The following MUC17 variants were observed in gnomAD, a reference collection of about 807,000 sequenced individuals.
MUC17 encodes mucin 17, cell surface associated, also known as mucin-17.
MUC17 carries 190 observed loss-of-function variants against 170.3 expected under a neutral mutation model. The observed-to-expected ratio is 1.12, with a 90% CI of 0.99 to 1.26. The LOEUF is 1.26. MUC17 is among the 50% of genes most tolerant of loss of function. The pLI, the probability that MUC17 is intolerant of heterozygous loss-of-function variation, is 0.00. For synonymous variants in MUC17, 2,325 were observed against 2,002.5 expected, an observed-to-expected ratio of 1.16 and a Z score of -4.30; for missense variants, 6,415 against 5,530.0, an observed-to-expected ratio of 1.16 and a Z score of -5.08.
At chr7:101,025,133 G>A (rs1259564942) in intron 1 of MUC17, among the ~76,000 whole-genome samples, 1 of 152,182 alleles carries the variant, frequency 6.6e-6, no homozygotes, top group Non-Finnish European at 1.5e-5. Flanking sequence ...GGGAGGCTGA[G>A]GTGGGAGGAT....
intron 1 of MUC17, among the ~76,000 whole-genome samples, chr7:101,030,678 C>T (rs1210870883): frequency 6.6e-6 from 1 of 152,212 alleles, no homozygotes; most frequent in Non-Finnish European, 1.5e-5. Flanking sequence ...AAGTGATCCT[C>T]CTGCCTCAGC....
chr7:101,034,025 T>A lies in MUC17; in HGVS notation c.2609T>A (p.Met870Lys), dbSNP rs574865616. Residue 870 changes from methionine to lysine, a missense_variant, in exon 3 of 13, where the codon ATG (methionine) becomes AAG (lysine). By Grantham distance (95) the Met-to-Lys change is moderately conservative. Transcript: ENST00000306151. ...GAAGGAAGAACTCCTTTAACAAGTA[T>A]GCCTGTCAGCACCACACTGGTGGCC... Reference protein sequence around the residue: ...YSEGRTPLTSMPVSTTLVATS... With the variant: ...YSEGRTPLTSKPVSTTLVATS... 1 of 1,601,128 alleles carries A rather than the reference T, an allele frequency of 6.2e-7. No homozygotes were observed. The highest frequency in any genetic ancestry group is 1.4e-5 in the African/African-American group (1 of 73,962).
intron 1 of MUC17, among the ~76,000 whole-genome samples, chr7:101,028,079 T>A (rs1794212352): frequency 6.6e-6 from 1 of 150,568 alleles, no homozygotes; most frequent in Non-Finnish European, 1.5e-5. Flanking sequence ...CACCCTTAAA[T>A]TTTTTTTTAA....
At chr7:101,055,785 T>C (rs1795034605) in intron 11 of MUC17, among the ~76,000 whole-genome samples, 2 of 152,208 alleles carry the variant, frequency 1.3e-5, no homozygotes. Flanking sequence ...CTTACAAAAA[T>C]TATTTAAATC....
At chr7:101,051,514 C>A in intron 7 of MUC17, 99 bp from the exon 8 acceptor site, 2 of 1,193,010 alleles carry the variant, frequency 1.7e-6, no homozygotes, top group Non-Finnish European at 2.4e-6. Flanking sequence ...ACCTCCCCAT[C>A]GCAGCCCACC....
chr7:101,041,752 A>C lies in MUC17; in HGVS notation c.10336A>C (p.Thr3446Pro), dbSNP rs972259630. 1.9e-6 allele frequency: 3 copies of C among 1,613,696 alleles called. No individual in the cohort carries two copies. Among genetic ancestry groups the C allele is most frequent in the African/African-American group, 2.7e-5 (2 of 74,734 alleles). ...TTCATCTCCTACAATCGCTGAAGGT[A>C]CCAGCTTGCCAACCTCAACTACTAG... is the stretch of plus-strand genomic sequence containing the variant. ...ASSSPTIAEG[T>P]SLPTSTTSEG... The change falls in exon 3 of 13, where the codon ACC becomes CCC. Residue 3446 changes from threonine (T) to proline (P), a missense_variant. Coordinates refer to ENST00000306151, the MANE Select transcript of MUC17 (RefSeq NM_001040105.2).
In MUC17 at chr7:101,033,276, A is replaced by G. The variant is rs1794351114; in HGVS notation, c.1860A>G (p.Pro620=). The G allele has an allele frequency of 6.2e-7, 1 of 1,613,860 alleles. No individual in the cohort carries two copies. Among genetic ancestry groups the G allele is most frequent in the African/African-American group, 1.3e-5 (1 of 74,864 alleles). Residue 620 remains proline (P), a synonymous_variant, in exon 3 of 13, where the codon CCA becomes CCG. Transcript: ENST00000306151. ...SSTTAEGTSM[P]TSTYSERGTT... ...CAACTGCTGAAGGTACCAGCATGCC[A>G]ACCTCAACTTACAGTGAAAGAGGCA...
At position 101,035,832 on chromosome 7, in the gene MUC17, T is replaced by C. The variant is rs777034883; in HGVS notation, c.4416T>C (p.Ala1472=). The C allele has an allele frequency of 1.3e-5, 21 of 1,600,122 alleles. No individual in the cohort carries two copies. The highest frequency in any genetic ancestry group is 1.5e-5 in the Non-Finnish European group (18 of 1,172,184). Residue 1472 remains alanine, a synonymous_variant, in exon 3 of 13, where the codon GCT becomes GCC. Coordinates refer to ENST00000306151, the MANE Select transcript of MUC17 (RefSeq NM_001040105.2). ...VSNTPVANSE[A]STLSTTPVDS... is the part of the protein sequence containing the mutation. ...ACACGCCGGTGGCCAATTCTGAGGC[T>C]AGCACCCTTTCAACAACTCCTGTTG...
rs146986698 is a variant in MUC17 at position 101,020,139 on chromosome 7, C to A, written c.4C>A (p.Pro2Thr). The change falls in exon 1 of 13, where the codon CCA (proline) becomes ACA (threonine). Residue 2 changes from proline to threonine, a missense_variant. By Grantham distance (38) the Pro-to-Thr change is conservative (BLOSUM62 -1). Coordinates refer to ENST00000306151, the MANE Select transcript of MUC17 (RefSeq NM_001040105.2). ...GTGAGACGTGCTCAGAGCTCCGATG[C>A]CAAGGCCAGGGACCATGGCGCTGTG... M[P>T]RPGTMALCLL... The A allele has an allele frequency of 2.3e-3, 3,641 of 1,595,624 alleles. 3 individuals carry two copies. The highest frequency in any genetic ancestry group is 2.9e-3 in the Non-Finnish European group (3,367 of 1,170,750).
At position 101,053,072 on chromosome 7, in the gene MUC17, C is replaced by T. The variant is rs772954792; in HGVS notation, c.13190C>T (p.Ala4397Val). Residue 4397 changes from alanine (A) to valine (V), a missense_variant, in exon 10 of 13, where the codon GCA becomes GTA. Physicochemically the swap from Ala to Val is moderately conservative, Grantham distance 64. Coordinates refer to ENST00000306151, the MANE Select transcript of MUC17 (RefSeq NM_001040105.2). ...AGTCTGGTGTACGGCCTCGTGGGGG[C>T]AGGGGTCGTGCTGATGCTGATCATC... ...QKSLVYGLVG[A>V]GVVLMLIILV... is the part of the protein sequence containing the mutation. The T allele has an allele frequency of 3.1e-6, 5 of 1,613,990 alleles. No homozygotes were observed. In the South Asian group the frequency reaches 3.3e-5, roughly 11 times the overall value.
chr7:101,039,465 A>T lies in MUC17; in HGVS notation c.8049A>T (p.Pro2683=). 6.2e-7 allele frequency: 1 copy of T among 1,611,420 alleles called. No homozygotes were observed. Among genetic ancestry groups the T allele is most frequent in the African/African-American group, 1.3e-5 (1 of 74,816 alleles). The part of the protein sequence containing the change: ...SPTTAEGSSM[P]TSTPGERSTP... ...CAACTGCTGAAGGTAGCAGCATGCCAACCTCAACTCCTGGTGAAAGAAGCA... is the reference window on the plus strand; with the variant it reads ...CAACTGCTGAAGGTAGCAGCATGCCTACCTCAACTCCTGGTGAAAGAAGCA... Residue 2683 remains proline (P), a synonymous_variant, in exon 3 of 13, where the codon CCA becomes CCT. Coordinates refer to ENST00000306151, the MANE Select transcript of MUC17 (RefSeq NM_001040105.2).
chr7:101,040,416 C>A lies in MUC17; in HGVS notation c.9000C>A (p.Ala3000=). ...TSMSVSTMPV[A]SSEASTLSRT... is the part of the protein sequence containing the mutation. ...TGTCTGTCAGCACCATGCCGGTGGC[C>A]AGTTCTGAGGCTAGCACCCTTTCAA... is the stretch of plus-strand genomic sequence containing the variant. Residue 3000 remains alanine (A), a synonymous_variant, in exon 3 of 13, where the codon GCC becomes GCA. Transcript: ENST00000306151. 2 of 1,611,762 alleles carry A rather than the reference C, an allele frequency of 1.2e-6. No individual in the cohort carries two copies. Among genetic ancestry groups the A allele is most frequent in the Non-Finnish European group, 1.7e-6 (2 of 1,179,050 alleles).
In MUC17 at chr7:101,043,832, T is replaced by C; in HGVS notation, c.12403+13T>C. ...AGAACCACAACATGTAAGTGATTTCTTGAATTTTCCTTTTTTTTAAAATTA... is the reference window on the plus strand; with the variant it reads ...AGAACCACAACATGTAAGTGATTTCCTGAATTTTCCTTTTTTTTAAAATTA... On this transcript the variant is annotated intron_variant, in intron 3 of 12. Transcript: ENST00000306151. The C allele has an allele frequency of 6.4e-7, 1 of 1,573,206 alleles. No homozygotes were observed. The highest frequency in any genetic ancestry group is 8.6e-7 in the Non-Finnish European group (1 of 1,159,470).
At position 101,037,265 on chromosome 7, in the gene MUC17, T is replaced by A. The variant is rs200153409; in HGVS notation, c.5849T>A (p.Leu1950His). 6.3e-7 allele frequency: 1 copy of A among 1,583,246 alleles called. No homozygotes were observed. Among genetic ancestry groups the A allele is most frequent in the East Asian group, 2.3e-5 (1 of 43,600 alleles). Residue 1950 changes from leucine (L) to histidine (H), a missense_variant, in exon 3 of 13, where the codon CTT becomes CAT. Physicochemically the swap from Leu to His is moderately conservative, Grantham distance 99 (BLOSUM62 -3). Transcript: ENST00000306151. ...SSEINTLSTTLADTRTPVTTY... is the reference protein window; with the variant it reads ...SSEINTLSTTHADTRTPVTTY... ...GAAATCAACACCCTTTCAACAACTCTTGCTGACACCAGGACACCTGTGACC... is the reference window on the plus strand; with the variant it reads ...GAAATCAACACCCTTTCAACAACTCATGCTGACACCAGGACACCTGTGACC...
At position 101,043,389 on chromosome 7, in the gene MUC17, T is replaced by G; in HGVS notation, c.11973T>G (p.Phe3991Leu). The G allele has an allele frequency of 2.5e-6, 4 of 1,614,110 alleles. No individual in the cohort carries two copies. Among genetic ancestry groups the G allele is most frequent in the Non-Finnish European group, 3.4e-6 (4 of 1,180,032 alleles). ...TTTSFSTTKEFTTPAMTTAAP... is the reference protein window; with the variant it reads ...TTTSFSTTKELTTPAMTTAAP... ...CATCTTTTTCAACTACTAAGGAATT[T>G]ACAACACCCGCAATGACTACTGCAG... Residue 3991 changes from phenylalanine to leucine, a missense_variant, in exon 3 of 13, where the codon TTT (phenylalanine) becomes TTG (leucine). Transcript: ENST00000306151.
chr7:101,033,336 G>C lies in MUC17; in HGVS notation c.1920G>C (p.Leu640=). ...CAAGTATGTCTGTCAGCACCACACT[G>C]GTGGCCAGTTCTGAGGCTAGCACCC... ...TITSMSVSTT[L]VASSEASTLS... is the part of the protein sequence containing the mutation. The change falls in exon 3 of 13, where the codon CTG becomes CTC. Residue 640 remains leucine, a synonymous_variant. Transcript: ENST00000306151. The C allele has an allele frequency of 1.2e-6, 2 of 1,613,600 alleles. No homozygotes were observed. The highest frequency in any genetic ancestry group is 1.7e-6 in the Non-Finnish European group (2 of 1,179,732).
rs1794113764 is a variant in MUC17 at position 101,022,706 on chromosome 7, C to G, written c.82+2489C>G. On this transcript the variant is annotated intron_variant, in intron 1 of 12. Coordinates refer to ENST00000306151, the MANE Select transcript of MUC17 (RefSeq NM_001040105.2). Reference sequence around the variant, plus strand: ...GTGGTACACGCCTGTGTCCCACCTACCTGGGAGGCTGAGGTGGGAGGACTG... The same window carrying G: ...GTGGTACACGCCTGTGTCCCACCTAGCTGGGAGGCTGAGGTGGGAGGACTG... Among the ~76,000 whole-genome samples, 4 of 152,116 alleles carry G rather than the reference C, an allele frequency of 2.6e-5. No homozygotes were observed. The South Asian group carries it at 8.3e-4, about 32-fold the overall frequency.
At chr7:101,023,212 T>C (rs1794125557) in intron 1 of MUC17, among the ~76,000 whole-genome samples, 1 of 152,034 alleles carries the variant, frequency 6.6e-6, no homozygotes, top group African/African-American at 2.4e-5. Context: ...TTAGGACCCA[T>C]GCTAGTGACC....
In MUC17 at chr7:101,032,976, C is replaced by G; in HGVS notation, c.1560C>G (p.Thr520=). ...CATTAACAAGTATGTCTGTCAGCAC[C>G]ATGCCGGTGGCCAGTTCTGAGGCTA... ...STPLTSMSVS[T]MPVASSEAST... The change falls in exon 3 of 13, where the codon ACC becomes ACG. Residue 520 remains threonine (T), a synonymous_variant. Coordinates refer to ENST00000306151, the MANE Select transcript of MUC17 (RefSeq NM_001040105.2). The G allele has an allele frequency of 6.2e-7, 1 of 1,614,078 alleles. No individual in the cohort carries two copies. The highest frequency in any genetic ancestry group is 1.3e-5 in the African/African-American group (1 of 74,992).
Sources: allele counts gnomAD v4.1 joint callset (sites outside exome capture counted in the v4.1 genomes callset), GRCh38; gene constraint gnomAD v4.1.1; transcripts MANE v1.5; gene names NCBI Gene and HGNC (gene_info 2026-07-23, HGNC 2026-07-21).